Variants in NEK4 observed in about 807,000 individuals in gnomAD.
NEK4 encodes the protein serine/threonine-protein kinase Nek4.
A neutral mutation model predicts 98.4 loss-of-function variants in NEK4; 86 were observed. The observed-to-expected ratio is 0.87, with a 90% CI of 0.73 to 1.05. The LOEUF (loss-of-function observed/expected upper bound fraction) is 1.05. NEK4 is among the 50% of genes least tolerant of loss of function. NEK4 has a pLI of 0.00. For synonymous variants in NEK4, 328 were observed against 342.2 expected, an observed-to-expected ratio of 0.96 and a Z score of 0.46; for missense variants, 898 against 950.3, an observed-to-expected ratio of 0.94 and a Z score of 0.72.
chr3:52,723,666 C>G (rs2097362062), intron 15 of NEK4, among the ~76,000 whole-genome samples: 1 of 151,930 alleles, frequency 6.6e-6, no homozygotes, highest in Non-Finnish European at 1.5e-5. Flanking sequence ...GTCTGAAGAA[C>G]AGGAAGAAAA....
chr3:52,763,656 T>C (rs1313334488), intron 4 of NEK4, 32 bp from the exon 5 acceptor site: 1 of 1,511,066 alleles, frequency 6.6e-7, no homozygotes, highest in East Asian at 2.3e-5. Flanking sequence ...TAATTATGAC[T>C]AATGGTCTTG....
At chr3:52,741,650 T>A (rs1179125131) in intron 12 of NEK4, 151 bp from the exon 13 acceptor site, 2 of 513,484 alleles carry the variant, frequency 3.9e-6, no homozygotes, top group Non-Finnish European at 6.9e-6. Flanking sequence ...TGTTCCCATA[T>A]GATTTGTGGC....
At chr3:52,752,913 A>AAAAAAAAAAAAAAAAATAAAT in intron 6 of NEK4, among the ~76,000 whole-genome samples, 1 of 63,586 alleles carries the variant, frequency 1.6e-5, no homozygotes, top group Non-Finnish European at 3.1e-5. Flanking sequence ...AAAAAAAAAA[A>AAAAAAAAAAAAAAAAATAAAT]AAAAATATAT....
chr3:52,761,645 T>C (rs2154106435), intron 5 of NEK4, among the ~76,000 whole-genome samples: 1 of 152,294 alleles, frequency 6.6e-6, no homozygotes, highest in Non-Finnish European at 1.5e-5. Flanking sequence ...TTAGGGTATG[T>C]AATCTGGTAA....
At chr3:52,727,530 T>C (rs2097365651) in intron 15 of NEK4, among the ~76,000 whole-genome samples, 1 of 152,188 alleles carries the variant, frequency 6.6e-6, no homozygotes, top group Admixed American at 6.5e-5. Flanking sequence ...GGCTGGAGTG[T>C]GGTAGTGTGA....
chr3:52,746,192 G>C lies in NEK4; in HGVS notation c.1696C>G (p.Arg566Gly). The change falls in exon 10 of 16, where the codon CGA becomes GGA. Residue 566 changes from arginine (R) to glycine (G), a missense_variant. Transcript: ENST00000233027. ...ACAATGGGATGAGAAGGCAAAAATC[G>C]AGGAGGCGACTCTTGGAACTTAAAT... ...DLFAFQESPP[R>G]FLPSHPIVGK... 5.0e-6 allele frequency: 8 copies of C among 1,613,966 alleles called. No individual in the cohort carries two copies. The highest frequency in any genetic ancestry group is 6.8e-6 in the Non-Finnish European group (8 of 1,179,948).
chr3:52,711,769 A>G lies in NEK4; in HGVS notation c.*8T>C. ...TCTTTAATTCTGGCAGCAGATTAGG[A>G]CAAATGCTCAAAAATTCATGTTTTC... On this transcript the variant is annotated 3_prime_UTR_variant, in exon 16 of 16. Transcript: ENST00000233027. The G allele has an allele frequency of 1.9e-6, 3 of 1,577,556 alleles. No homozygotes were observed. Among genetic ancestry groups the G allele is most frequent in the Non-Finnish European group, 2.6e-6 (3 of 1,147,696 alleles).
intron 6 of NEK4, among the ~76,000 whole-genome samples, chr3:52,759,869 T>C (rs560404412): frequency 5.6e-4 from 86 of 152,296 alleles, no homozygotes; most frequent in African/African-American, 2.0e-3. Context: ...CAGTGGTATA[T>C]CCACATAATG....
intron 8 of NEK4, 144 bp from the exon 9 acceptor site, chr3:52,747,048 T>G: frequency 1.6e-6 from 1 of 630,394 alleles, no homozygotes; most frequent in Non-Finnish European, 2.8e-6. Context: ...ATATTGCAAT[T>G]TAGTGTTACA....
intron 15 of NEK4, chr3:52,733,101 G>A (rs562961695): frequency 5.6e-6 from 1 of 179,432 alleles, no homozygotes; most frequent in East Asian, 1.6e-4. Context: ...CACATTAGAG[G>A]AAAAATCTTA....
chr3:52,769,540 T>C (rs1315833227), intron 1 of NEK4, among the ~76,000 whole-genome samples: 1 of 152,254 alleles, frequency 6.6e-6, no homozygotes, highest in Non-Finnish European at 1.5e-5. Context: ...TAACTAGCTA[T>C]TGCTAGTTCC....
chr3:52,746,309 T>C (rs2097396065), intron 9 of NEK4, 99 bp from the exon 10 acceptor site: 3 of 1,167,108 alleles, frequency 2.6e-6, no homozygotes, highest in Non-Finnish European at 3.6e-6. Context: ...TGGTTTGCTC[T>C]TAAAACCTTC....
At position 52,709,826 on chromosome 3, in the gene NEK4, C is replaced by T. The variant is rs2097348623; in HGVS notation, c.*1951G>A. 6.6e-6 allele frequency: 1 copy of T among 151,480 alleles called. No individual in the cohort carries two copies. The highest frequency in any genetic ancestry group is 6.6e-5 in the Admixed American group (1 of 15,178). 9.4% of individuals were successfully genotyped at this position (151,480 alleles called of 1,614,324 possible). ...GACTCTCCAGAACGATGTGGATTTCCAAAACATGCACGGAAAGGTGAATAG... is the reference window on the plus strand; with the variant it reads ...GACTCTCCAGAACGATGTGGATTTCTAAAACATGCACGGAAAGGTGAATAG... On this transcript the variant is annotated 3_prime_UTR_variant, in exon 16 of 16. Transcript: ENST00000233027.
intron 15 of NEK4, among the ~76,000 whole-genome samples, chr3:52,725,310 G>A (rs937090262): frequency 3.3e-5 from 5 of 152,042 alleles, no homozygotes; most frequent in African/African-American, 9.7e-5. Flanking sequence ...AGGAGATCGA[G>A]ACCATCCTGG....
intron 10 of NEK4, among the ~76,000 whole-genome samples, chr3:52,745,817 G>A (rs2097395126): frequency 6.6e-6 from 1 of 151,990 alleles, no homozygotes; most frequent in Admixed American, 6.6e-5. Context: ...CCGCCTTTTG[G>A]GTTCAAGCCA....
At chr3:52,755,724 T>A (rs1467963877) in intron 6 of NEK4, among the ~76,000 whole-genome samples, 3 of 151,914 alleles carry the variant, frequency 2.0e-5, no homozygotes, top group Non-Finnish European at 4.4e-5. Flanking sequence ...ATAAAAGGCA[T>A]CAAAATTAGA....
intron 4 of NEK4, 87 bp from the exon 5 acceptor site, chr3:52,763,711 T>C (rs771917757): frequency 2.0e-5 from 19 of 950,572 alleles, no homozygotes; most frequent in Non-Finnish European, 2.2e-5. Flanking sequence ...TATTTATTTA[T>C]AGTCATATGT....
intron 15 of NEK4, among the ~76,000 whole-genome samples, chr3:52,727,983 A>G (rs1036193821): frequency 2.0e-5 from 3 of 152,244 alleles, no homozygotes; most frequent in African/African-American, 4.8e-5. Flanking sequence ...CTGTAATCTC[A>G]GCACTTTGGG....
At chr3:52,750,036 G>A (rs779226890) in intron 7 of NEK4, among the ~76,000 whole-genome samples, 14 of 152,126 alleles carry the variant, frequency 9.2e-5, no homozygotes, top group South Asian at 2.1e-4. Context: ...AAACAATTTT[G>A]CAGTTTCTCA....
Sources: allele counts gnomAD v4.1 joint callset (sites outside exome capture counted in the v4.1 genomes callset), GRCh38; gene constraint gnomAD v4.1.1; transcripts MANE v1.5; gene names NCBI Gene and HGNC (gene_info 2026-07-23, HGNC 2026-07-21).